Variants in ATIC observed in about 807,000 individuals in gnomAD.
ATIC encodes the protein 5-aminoimidazole-4-carboxamide ribonucleotide formyltransferase/IMP cyclohydrolase.
In ATIC, 64 loss-of-function variants were observed where a neutral mutation model predicts 72.5. The observed-to-expected ratio is 0.88, with a 90% CI of 0.72 to 1.09. The LOEUF (loss-of-function observed/expected upper bound fraction) is 1.09, where lower values mean the gene tolerates loss of function less well. Among genes scored for constraint, ATIC ranks in the 50% least tolerant of loss-of-function variants. The pLI is 0.00. For missense variants in ATIC, 787 were observed against 732.4 expected, an observed-to-expected ratio of 1.07 and a Z score of -0.86; for synonymous variants, 281 against 267.1, an observed-to-expected ratio of 1.05 and a Z score of -0.51.
intron 7 of ATIC, among the ~76,000 whole-genome samples, chr2:215,328,491 C>A (rs1447747550): frequency 6.6e-6 from 1 of 152,070 alleles, no homozygotes; most frequent in Non-Finnish European, 1.5e-5. Flanking sequence ...CCAGCTCTTT[C>A]CACTCCAGCG....
intron 1 of ATIC, 111 bp downstream of exon 1, chr2:215,312,272 T>C: frequency 6.9e-7 from 1 of 1,447,194 alleles, no homozygotes; most frequent in Non-Finnish European, 9.1e-7. Context: ...GCTGCGGGAT[T>C]GAAAGCCAGC....
rs368525228 is a variant in ATIC, at chr2:215,325,239, A to G, written c.291-2A>G. 6.2e-7 allele frequency: 1 copy of G among 1,612,394 alleles called. No individual in the cohort carries two copies. The highest frequency in any genetic ancestry group is 8.5e-7 in the Non-Finnish European group (1 of 1,178,534). On this transcript the variant is annotated splice_acceptor_variant, in intron 4 of 15. Coordinates refer to ENST00000236959, the MANE Select transcript of ATIC (RefSeq NM_004044.7). LOFTEE classifies it high-confidence loss of function. ...ACAGCCAGATTCGTCTTTGTTTTAT[A>G]GAGTTGTTGCCTGCAATCTCTATCC...
At chr2:215,340,381 A>G (rs1027999081) in intron 12 of ATIC, among the ~76,000 whole-genome samples, 3 of 152,154 alleles carry the variant, frequency 2.0e-5, no homozygotes, top group Non-Finnish European at 4.4e-5. Flanking sequence ...GGAGTATCTT[A>G]ATTGGGCCTT....
intron 12 of ATIC, among the ~76,000 whole-genome samples, chr2:215,339,975 C>G (rs1381956312): frequency 1.3e-5 from 2 of 149,064 alleles, no homozygotes; most frequent in Non-Finnish European, 3.0e-5. Flanking sequence ...TGTTTTTATC[C>G]CTTTGAAGCT....
chr2:215,315,399 C>T (rs1487463462), intron 2 of ATIC, among the ~76,000 whole-genome samples: 3 of 152,110 alleles, frequency 2.0e-5, no homozygotes, highest in Non-Finnish European at 2.9e-5. Flanking sequence ...CTCTGTCACC[C>T]AGGCTGGAGT....
Position 215,344,786 on chromosome 2 carries a change from A to T in ATIC, c.1235A>T (p.Glu412Val). ...ATTGTGTATGTGTTTCAGTTGCCAG[A>T]GTCTGCCCTCCGAGACCTCATCGTA... ...NVVTKNKDLP[E>V]SALRDLIVAT... The change falls in exon 13 of 16, where the codon GAG (glutamate) becomes GTG (valine). Residue 412 changes from glutamate (E) to valine (V), a missense_variant. Physicochemically the swap from Glu to Val is moderately radical, Grantham distance 121. Coordinates refer to ENST00000236959, the MANE Select transcript of ATIC (RefSeq NM_004044.7). 5 of 1,614,034 alleles carry T rather than the reference A, an allele frequency of 3.1e-6. No individual in the cohort carries two copies. Among genetic ancestry groups the T allele is most frequent in the South Asian group, 1.1e-5 (1 of 91,052 alleles).
At chr2:215,361,504 G>A in the ATIC span, 1 of 1,294,312 alleles carries the variant, frequency 7.7e-7, no homozygotes, top group African/African-American at 1.5e-5. Context: ...CTCCAGTTTA[G>A]ATGGATCTTG....
chr2:215,322,190 AC>A (rs2052775385), intron 4 of ATIC, among the ~76,000 whole-genome samples: 1 of 152,094 alleles, frequency 6.6e-6, no homozygotes, highest in South Asian at 2.1e-4. Context: ...GGCTTGAGCC[AC>A]CATGCCCGGC....
At chr2:215,336,166 T>G (rs2106025020) in intron 11 of ATIC, 42 bp downstream of exon 11, 1 of 1,423,294 alleles carries the variant, frequency 7.0e-7, no homozygotes, top group East Asian at 2.3e-5. Flanking sequence ...TGCTCTTTTA[T>G]TCTGTGTCTC....
chr2:215,337,670 A>G (rs2052971623), intron 11 of ATIC, among the ~76,000 whole-genome samples: 1 of 152,040 alleles, frequency 6.6e-6, no homozygotes, highest in Non-Finnish European at 1.5e-5. Flanking sequence ...CCTGGCCCCC[A>G]GTTTCTTAAT....
the ATIC span, chr2:215,361,338 C>A: frequency 3.4e-6 from 2 of 586,184 alleles, no homozygotes; most frequent in Non-Finnish European, 6.1e-6. Flanking sequence ...CGAAGCAGAA[C>A]AGGCAATGTG....
intron 10 of ATIC, 151 bp from the exon 11 acceptor site, chr2:215,335,884 C>T: frequency 1.6e-6 from 1 of 632,724 alleles, no homozygotes; most frequent in South Asian, 2.0e-5. Flanking sequence ...TAATAGATTT[C>T]TCTTTTCAAG....
At chr2:215,312,374 G>C in intron 1 of ATIC, 124 bp from the exon 2 acceptor site, 1 of 1,564,984 alleles carries the variant, frequency 6.4e-7, no homozygotes, top group Non-Finnish European at 8.8e-7. Context: ...GACCAGGCCT[G>C]CGAACGCAGG....
chr2:215,331,648 C>G (rs1349799585), intron 7 of ATIC, among the ~76,000 whole-genome samples: 1 of 152,132 alleles, frequency 6.6e-6, no homozygotes, highest in Non-Finnish European at 1.5e-5. Flanking sequence ...TCCCAAAGTG[C>G]TGGGGTCATG....
intron 2 of ATIC, among the ~76,000 whole-genome samples, chr2:215,315,734 T>G (rs1487352696): frequency 6.6e-6 from 1 of 152,142 alleles, no homozygotes; most frequent in Non-Finnish European, 1.5e-5. Context: ...CTGGATCATC[T>G]GAGGTCAGGA....
chr2:215,351,604 A>G (rs1443363154), downstream of ATIC, among the ~76,000 whole-genome samples: 1 of 152,162 alleles, frequency 6.6e-6, no homozygotes, highest in Admixed American at 6.5e-5. Flanking sequence ...GAAAATTTTA[A>G]TTAGCTGGGC....
At chr2:215,321,915 C>CT (rs550236851) in intron 4 of ATIC, among the ~76,000 whole-genome samples, 5 of 151,732 alleles carry the variant, frequency 3.3e-5, no homozygotes, top group Admixed American at 1.3e-4. Flanking sequence ...CAAGTTTTTT[C>CT]TTTTTTTTGA....
chr2:215,364,623 C>CAA, the ATIC span: 2 of 561,896 alleles, frequency 3.6e-6, no homozygotes, highest in Non-Finnish European at 6.4e-6. Flanking sequence ...AAGAATGACT[C>CAA]AAGACTTGTG....
At chr2:215,327,580 C>G (rs530287635) in intron 7 of ATIC, among the ~76,000 whole-genome samples, 1 of 152,200 alleles carries the variant, frequency 6.6e-6, no homozygotes, top group African/African-American at 2.4e-5. Context: ...TGTTCTGTTC[C>G]AAAGGTAGGC....
Sources: gnomAD v4.1 joint callset for allele counts (sites outside exome capture counted in the v4.1 genomes callset) on GRCh38, gnomAD v4.1.1 for gene constraint, MANE v1.5 for transcripts, NCBI Gene and HGNC (gene_info 2026-07-23, HGNC 2026-07-21) for gene names.